TRDN: variants seen among roughly 807,000 people sequenced by gnomAD.
TRDN encodes triadin.
A neutral mutation model predicts 149.7 loss-of-function variants in TRDN; 161 were observed. That is an observed-to-expected ratio of 1.08 (90% CI 0.95 to 1.23). The LOEUF (loss-of-function observed/expected upper bound fraction) is 1.23. Among genes scored for constraint, TRDN ranks in the 50% most tolerant of loss-of-function variants. The probability of loss-of-function intolerance (pLI) is 0.00; values close to 1 mark genes in which losing one functional copy is unlikely to be tolerated. For synonymous variants in TRDN, 294 were observed against 250.5 expected (o/e 1.17, Z -1.64); for missense variants, 896 against 823.5 (o/e 1.09, Z -1.08).
intron 38 of TRDN, among the ~76,000 whole-genome samples, chr6:123,235,217 T>C (rs1390301885): frequency 1.3e-5 from 2 of 152,066 alleles, no homozygotes; most frequent in Non-Finnish European, 2.9e-5. Context: ...GTCTCTCAGA[T>C]AGCCAATAGG....
intron 20 of TRDN, among the ~76,000 whole-genome samples, chr6:123,355,348 C>T (rs901294156): frequency 6.6e-6 from 1 of 151,622 alleles, no homozygotes; most frequent in African/African-American, 2.4e-5. Context: ...TTTGCCTCCA[C>T]CACGGTTATA....
At chr6:123,227,816 T>A (rs1051809116) in intron 38 of TRDN, among the ~76,000 whole-genome samples, 2 of 151,902 alleles carry the variant, frequency 1.3e-5, no homozygotes. Flanking sequence ...GACGCCATCC[T>A]GGCTCACTGC....
In TRDN at chr6:123,246,929, G is replaced by T. The variant is rs558129661; in HGVS notation, c.1975+5483C>A. On this transcript the variant is annotated intron_variant, in intron 38 of 40. Transcript: ENST00000334268. Reference sequence around the variant, plus strand: ...ACGATCAAGTTGGCTTCATCCCTGGGATGCAAGGTTGGTTCAACATGTGCA... The same window carrying T: ...ACGATCAAGTTGGCTTCATCCCTGGTATGCAAGGTTGGTTCAACATGTGCA... Among the ~76,000 whole-genome samples the T allele has an allele frequency of 7.2e-5, 11 of 152,278 alleles. No individual in the cohort carries two copies. In the East Asian group the frequency reaches 1.9e-3, roughly 27 times the overall value.
rs368733910 is a variant in TRDN, at chr6:123,497,763, G to A, written c.794-511C>T. Among the ~76,000 whole-genome samples, 3 of 152,062 alleles carry A rather than the reference G, an allele frequency of 2.0e-5. No homozygotes were observed. In the East Asian group the frequency reaches 5.8e-4, roughly 29 times the overall value. On this transcript the variant is annotated intron_variant, in intron 8 of 40. Coordinates refer to ENST00000334268, the MANE Select transcript of TRDN (RefSeq NM_006073.4). ...AACTAACCTCTTTGCAACCTGTTAG[G>A]TGGCCTCTGAATAAAAATGCTCTTT...
chr6:123,310,924 A>G (rs771761158), intron 24 of TRDN, among the ~76,000 whole-genome samples: 10 of 151,986 alleles, frequency 6.6e-5, no homozygotes, highest in Non-Finnish European at 1.5e-4. Context: ...TGCAAATGCA[A>G]TTGGGTTTAT....
chr6:123,286,108 A>C (rs892678304), intron 24 of TRDN, among the ~76,000 whole-genome samples: 2 of 152,126 alleles, frequency 1.3e-5, no homozygotes, highest in Admixed American at 1.3e-4. Context: ...TTTGGAAAAC[A>C]GTTTGGAGAT....
intron 24 of TRDN, among the ~76,000 whole-genome samples, chr6:123,287,187 A>C (rs1156572419): frequency 6.6e-6 from 1 of 152,190 alleles, no homozygotes; most frequent in Non-Finnish European, 1.5e-5. Context: ...TCGTATATTC[A>C]GTTAAGATAC....
intron 33 of TRDN, 133 bp from the exon 34 acceptor site, chr6:123,260,771 C>T: frequency 1.4e-6 from 1 of 715,944 alleles, no homozygotes; most frequent in South Asian, 2.3e-5. Context: ...AATAGGCACA[C>T]ATACTCAAAA....
At chr6:123,308,343 T>G (rs1024179217) in intron 24 of TRDN, among the ~76,000 whole-genome samples, 2 of 151,762 alleles carry the variant, frequency 1.3e-5, no homozygotes, top group Non-Finnish European at 2.9e-5. Context: ...TGTGTGTTTT[T>G]TTTTTTTTTT....
At chr6:123,444,063 A>G (rs1294067014) in intron 10 of TRDN, among the ~76,000 whole-genome samples, 1 of 149,266 alleles carries the variant, frequency 6.7e-6, no homozygotes, top group Non-Finnish European at 1.5e-5. Context: ...GAAGAAAGTC[A>G]TTGGTAGCTT....
intron 1 of TRDN, among the ~76,000 whole-genome samples, chr6:123,579,719 A>T (rs893197608): frequency 6.6e-6 from 1 of 152,124 alleles, no homozygotes; most frequent in East Asian, 1.9e-4. Context: ...CCCAAATCTC[A>T]TCTTAAATTG....
At chr6:123,401,914 T>C (rs1772991517) in intron 12 of TRDN, among the ~76,000 whole-genome samples, 1 of 143,664 alleles carries the variant, frequency 7.0e-6, no homozygotes, top group Non-Finnish European at 1.5e-5. Flanking sequence ...GCCACTGCAC[T>C]CCAGCCTGGG....
chr6:123,516,086 G>A lies in TRDN; in HGVS notation c.550+55C>T, dbSNP rs980053360. On this transcript the variant is annotated intron_variant, in intron 6 of 40. Coordinates refer to ENST00000334268, the MANE Select transcript of TRDN (RefSeq NM_006073.4). ...TCTAAAATCTGAATGTAAAGAGTAG[G>A]AAGTCAATGGGAAAGGACTCAGTGT... The A allele has an allele frequency of 3.3e-5, 46 of 1,388,350 alleles. 2 individuals are homozygous for A. In the Admixed American group the frequency reaches 5.5e-4, roughly 16 times the overall value. 86.0% of individuals were successfully genotyped at this position (1,388,350 alleles called of 1,614,324 possible).
At chr6:123,506,544 A>C (rs868487448) in intron 7 of TRDN, among the ~76,000 whole-genome samples, 17 of 151,540 alleles carry the variant, frequency 1.1e-4, no homozygotes, top group African/African-American at 3.9e-4. Flanking sequence ...GCTGGAGTGC[A>C]ATGGTGCAAT....
At chr6:123,521,674 A>G (rs1779689721) in intron 5 of TRDN, among the ~76,000 whole-genome samples, 3 of 152,052 alleles carry the variant, frequency 2.0e-5, no homozygotes, top group Non-Finnish European at 4.4e-5. Flanking sequence ...CCTTGAACCA[A>G]GTTCCCACCT....
intron 2 of TRDN, among the ~76,000 whole-genome samples, chr6:123,560,657 C>G (rs978902039): frequency 6.6e-6 from 1 of 152,178 alleles, no homozygotes; most frequent in African/African-American, 2.4e-5. Flanking sequence ...CAACTTCTAT[C>G]CCTCGTGCAG....
At chr6:123,527,074 G>C (rs182748124) in intron 5 of TRDN, among the ~76,000 whole-genome samples, 1 of 151,938 alleles carries the variant, frequency 6.6e-6, no homozygotes, top group Non-Finnish European at 1.5e-5. Flanking sequence ...AGGACACATA[G>C]CCAGAAGTTA....
At chr6:123,252,281 T>C in intron 38 of TRDN, 131 bp downstream of exon 38, 1 of 443,992 alleles carries the variant, frequency 2.3e-6, no homozygotes, top group East Asian at 3.8e-5. Flanking sequence ...AGCTAATAAA[T>C]TCCTGTCAGA....
At chr6:123,552,043 G>A (rs369187659) in intron 2 of TRDN, among the ~76,000 whole-genome samples, 3 of 152,204 alleles carry the variant, frequency 2.0e-5, no homozygotes, top group East Asian at 3.9e-4. Flanking sequence ...ATGAGTCCAC[G>A]ATGACATTGC....
Sources: allele counts gnomAD v4.1 joint callset (sites outside exome capture counted in the v4.1 genomes callset), GRCh38; gene constraint gnomAD v4.1.1; transcripts MANE v1.5; gene names NCBI Gene and HGNC (gene_info 2026-07-23, HGNC 2026-07-21).